PPFIBP1: variants seen among roughly 807,000 people sequenced by gnomAD.
PPFIBP1 encodes the protein PPFIB scaffold protein 1.
PPFIBP1 carries 112 observed loss-of-function variants against 137.8 expected under a neutral mutation model. That is an observed-to-expected ratio of 0.81 (90% CI 0.70 to 0.95). The LOEUF is 0.95. PPFIBP1 is among the 40% of genes least tolerant of loss of function. The probability of loss-of-function intolerance (pLI) is 0.00; values close to 1 mark genes in which losing one functional copy is unlikely to be tolerated. For synonymous variants in PPFIBP1, 378 were observed against 417.3 expected (o/e 0.91, Z 1.15); for missense variants, 1,083 against 1,196.6 (o/e 0.91, Z 1.40).
chr12:27,668,580 CTCT>C (rs975307674), intron 13 of PPFIBP1, among the ~76,000 whole-genome samples: 1 of 152,218 alleles, frequency 6.6e-6, no homozygotes, highest in Non-Finnish European at 1.5e-5. Flanking sequence ...CCAAATTCAT[CTCT>C]TCATTTTCCA....
At chr12:27,592,391 TG>T (rs2052629022) in intron 2 of PPFIBP1, 1 of 605,736 alleles carries the variant, frequency 1.7e-6, no homozygotes, top group African/African-American at 1.9e-5. Flanking sequence ...AATAAACTAT[TG>T]GGGATTATCA....
chr12:27,600,612 A>C (rs2053875613), intron 2 of PPFIBP1, among the ~76,000 whole-genome samples: 1 of 151,808 alleles, frequency 6.6e-6, no homozygotes, highest in Non-Finnish European at 1.5e-5. Context: ...TTTCCTGAAC[A>C]CCTTCTTTCC....
At chr12:27,645,102 G>C (rs1330434336) in intron 4 of PPFIBP1, among the ~76,000 whole-genome samples, 1 of 152,118 alleles carries the variant, frequency 6.6e-6, no homozygotes, top group African/African-American at 2.4e-5. Flanking sequence ...TAAATCTGAA[G>C]GTATTATTTT....
intron 13 of PPFIBP1, among the ~76,000 whole-genome samples, chr12:27,668,737 T>C (rs1376714181): frequency 6.6e-6 from 1 of 152,278 alleles, no homozygotes; most frequent in African/African-American, 2.4e-5. Context: ...TAAGTTTCCC[T>C]GTAAGGCTGC....
Position 27,645,939 on chromosome 12 carries a change from A to G in PPFIBP1, c.271-123A>G. 1.2e-5 allele frequency: 8 copies of G among 684,422 alleles called. No homozygotes were observed. The South Asian group carries it at 1.4e-4, about 12-fold the overall frequency. The allele number at this position is 684,422 out of a possible 1,614,324, so 42.4% of individuals were successfully genotyped here. A position where few individuals can be genotyped will look rare whatever the true frequency, so the allele number is the denominator to read the frequency against. Reference sequence around the variant, plus strand: ...ATTGCATTCTCGTATTTTCTGTTTGACAGTGACAGCTGTGCAGATTCAATT... The same window carrying G: ...ATTGCATTCTCGTATTTTCTGTTTGGCAGTGACAGCTGTGCAGATTCAATT... On this transcript the variant is annotated intron_variant, in intron 4 of 29. Transcript: ENST00000228425.
chr12:27,527,580 A>G (rs1943915988), intron 1 of PPFIBP1, among the ~76,000 whole-genome samples: 1 of 152,162 alleles, frequency 6.6e-6, no homozygotes, highest in Non-Finnish European at 1.5e-5. Flanking sequence ...TCTCTGGCCT[A>G]GTTTGAATTA....
At position 27,664,520 on chromosome 12, in the gene PPFIBP1, A is replaced by G. The variant is rs1037671383; in HGVS notation, c.991+74A>G. 14 of 1,020,524 alleles carry G rather than the reference A, an allele frequency of 1.4e-5. No homozygotes were observed. In the East Asian group the frequency reaches 3.6e-4, roughly 26 times the overall value. 63.2% of individuals were successfully genotyped at this position (1,020,524 alleles called of 1,614,324 possible). On this transcript the variant is annotated intron_variant, in intron 12 of 29. Transcript: ENST00000228425. ...CTATAAACTTACACATTTGGCCTCA[A>G]TTTCTTTCCTGGATCATACCCATTG...
At chr12:27,529,561 G>A (rs1414562259) in intron 1 of PPFIBP1, among the ~76,000 whole-genome samples, 1 of 152,204 alleles carries the variant, frequency 6.6e-6, no homozygotes, top group African/African-American at 2.4e-5. Flanking sequence ...GAATGTGGTG[G>A]CGCATGCCTG....
At chr12:27,543,394 A>G (rs1172135402) in intron 1 of PPFIBP1, among the ~76,000 whole-genome samples, 3 of 152,180 alleles carry the variant, frequency 2.0e-5, no homozygotes, top group Admixed American at 2.0e-4. Flanking sequence ...ATTTTCAATA[A>G]GAAATCAACT....
chr12:27,654,259 G>A (rs2059058942), intron 7 of PPFIBP1: 1 of 152,120 alleles, frequency 6.6e-6, no homozygotes, highest in Non-Finnish European at 1.5e-5. Flanking sequence ...TGTGGACAAA[G>A]GAAGAAATTA....
intron 8 of PPFIBP1, chr12:27,655,098 T>A (rs1402882545): frequency 7.2e-7 from 1 of 1,387,226 alleles, no homozygotes; most frequent in South Asian, 1.2e-5. Context: ...TTAGCTTGTC[T>A]TTTTCTATCT....
chr12:27,583,564 A>T (rs995343189), intron 2 of PPFIBP1, among the ~76,000 whole-genome samples: 1 of 152,200 alleles, frequency 6.6e-6, no homozygotes, highest in Non-Finnish European at 1.5e-5. Flanking sequence ...GGTCGCACAG[A>T]GGCCTTTGAA....
intron 2 of PPFIBP1, among the ~76,000 whole-genome samples, chr12:27,591,857 T>TC (rs1361437462): frequency 6.6e-6 from 1 of 152,204 alleles, no homozygotes; most frequent in Non-Finnish European, 1.5e-5. Context: ...CTGTCTGATC[T>TC]CTGAAATTGA....
At chr12:27,569,151 T>C (rs1451325504) in intron 1 of PPFIBP1, among the ~76,000 whole-genome samples, 1 of 152,202 alleles carries the variant, frequency 6.6e-6, no homozygotes, top group South Asian at 2.1e-4. Context: ...AGAATGATCT[T>C]TTTGAAATTC....
chr12:27,670,794 A>ATAATAATAATAATAATAATAAT (rs57075092), intron 13 of PPFIBP1, among the ~76,000 whole-genome samples: 1 of 139,420 alleles, frequency 7.2e-6, no homozygotes, highest in Non-Finnish European at 1.5e-5. Flanking sequence ...AAAAAAAAAA[A>ATAATAATAATAATAATAATAAT]AATAATAATA....
chr12:27,677,921 TTCTC>T (rs2060628068), intron 19 of PPFIBP1: 1 of 152,228 alleles, frequency 6.6e-6, no homozygotes, highest in Admixed American at 6.5e-5. Context: ...CAAACGGGAC[TTCTC>T]TCTCTATCGA....
intron 2 of PPFIBP1, among the ~76,000 whole-genome samples, chr12:27,579,262 C>T (rs574556528): frequency 1.2e-4 from 18 of 152,324 alleles, no homozygotes; most frequent in Middle Eastern, 6.8e-3. Flanking sequence ...CCAAAGGGCA[C>T]GGACCAGATG....
chr12:27,626,250 T>C (rs2056811698), intron 2 of PPFIBP1, among the ~76,000 whole-genome samples: 1 of 152,150 alleles, frequency 6.6e-6, no homozygotes, highest in Non-Finnish European at 1.5e-5. Context: ...CATAAGTACC[T>C]ATAGTGGTTG....
chr12:27,578,895 G>T (rs1282805369), intron 2 of PPFIBP1, among the ~76,000 whole-genome samples: 1 of 152,210 alleles, frequency 6.6e-6, no homozygotes, highest in Non-Finnish European at 1.5e-5. Flanking sequence ...TGATCTGGAT[G>T]AGGATCCGAG....
Sources: gnomAD v4.1 joint callset for allele counts (sites outside exome capture counted in the v4.1 genomes callset) on GRCh38, gnomAD v4.1.1 for gene constraint, MANE v1.5 for transcripts, NCBI Gene and HGNC (gene_info 2026-07-23, HGNC 2026-07-21) for gene names.